SYNM: variants seen among roughly 807,000 people sequenced by gnomAD.
The protein encoded by SYNM is desmuslin.
A neutral mutation model predicts 104.0 loss-of-function variants in SYNM; 95 were observed. The observed-to-expected ratio is 0.91, with a 90% CI of 0.77 to 1.08. SYNM has a LOEUF of 1.08. SYNM is among the 50% of genes least tolerant of loss of function. SYNM has a pLI of 0.00. For missense variants in SYNM, 2,150 were observed against 2,052.2 expected, an observed-to-expected ratio of 1.05 and a Z score of -0.92; for synonymous variants, 918 against 869.0, an observed-to-expected ratio of 1.06 and a Z score of -0.99.
the SYNM span, chr15:99,140,835 C>CAGTGCACAGA: frequency 6.6e-6 from 1 of 152,172 alleles, no homozygotes; most frequent in Non-Finnish European, 1.5e-5. Context: ...AAGATTCTTG[C>CAGTGCACAGA]AGTGCACAGA....
chr15:99,113,825 G>A (rs1387676288), intron 2 of SYNM, 110 bp downstream of exon 2: 9 of 1,468,836 alleles, frequency 6.1e-6, no homozygotes, highest in Non-Finnish European at 7.3e-6. Context: ...GTGGCTTTGT[G>A]ACAAGCAGAG....
chr15:99,105,739 G>C lies in SYNM; in HGVS notation c.540G>C (p.Leu180=). ...GCCCCGCCGCGCCGCCGCCACGCCT[G>C]CGGGAGGTGCACGACAGCTACGCAC... ...ATGPAAPPPR[L]REVHDSYALL... The change falls in exon 1 of 4, where the codon CTG becomes CTC. Residue 180 remains leucine (L), a synonymous_variant. Coordinates refer to ENST00000336292, the MANE Select transcript of SYNM (RefSeq NM_145728.3). The C allele has an allele frequency of 2.0e-6, 3 of 1,512,976 alleles. No individual in the cohort carries two copies. Among genetic ancestry groups the C allele is most frequent in the Non-Finnish European group, 2.6e-6 (3 of 1,133,262 alleles). 93.7% of individuals were successfully genotyped at this position (1,512,976 alleles called of 1,614,324 possible).
chr15:99,130,843 A>G lies in SYNM; in HGVS notation c.2483A>G (p.Gln828Arg), dbSNP rs782249523. The G allele has an allele frequency of 9.3e-6, 15 of 1,614,026 alleles. No individual in the cohort carries two copies. Among genetic ancestry groups the G allele is most frequent in the Non-Finnish European group, 1.3e-5 (15 of 1,179,888 alleles). ...GAGGCAGGTGATTCAGAGGGCGAGC[A>G]GAGTTATTTTGTGTCCACTCCAGAT... Reference protein sequence around the residue: ...VTEAGDSEGEQSYFVSTPDEH... With the variant: ...VTEAGDSEGERSYFVSTPDEH... Residue 828 changes from glutamine to arginine, a missense_variant, in exon 4 of 4, where the codon CAG becomes CGG. Transcript: ENST00000336292.
Position 99,131,220 on chromosome 15 carries a change from G to C in SYNM, c.2860G>C (p.Gly954Arg). The change falls in exon 4 of 4, where the codon GGG becomes CGG. Residue 954 changes from glycine (G) to arginine (R), a missense_variant. Transcript: ENST00000336292. The surrounding 1 kb of genome is among the most constrained non-coding windows in gnomAD (Gnocchi z 4.3). ...EPRQQLVEVI[G>R]QLEETLPERM... ...CCGGCAGCAGCTGGTGGAGGTCATC[G>C]GGCAGCTGGAGGAAACCCTTCCCGA... 13 of 1,608,936 alleles carry C rather than the reference G, an allele frequency of 8.1e-6. No individual in the cohort carries two copies. The highest frequency in any genetic ancestry group is 1.0e-5 in the Non-Finnish European group (12 of 1,177,834).
At position 99,130,017 on chromosome 15, in the gene SYNM, G is replaced by A; in HGVS notation, c.1657G>A (p.Glu553Lys). The change falls in exon 4 of 4, where the codon GAA (glutamate) becomes AAA (lysine). Residue 553 changes from glutamate to lysine, a missense_variant. Glu to Lys is a moderately conservative substitution (Grantham distance 56, BLOSUM62 1). Transcript: ENST00000336292. Reference sequence around the variant, plus strand: ...GTTAGATAAGGAAGCGAGACAGAGAGAAAGCCAGCAGATGAAGGAGAAGGC... The same window carrying A: ...GTTAGATAAGGAAGCGAGACAGAGAAAAAGCCAGCAGATGAAGGAGAAGGC... The part of the protein sequence containing the change: ...TKLDKEARQR[E>K]SQQMKEKAKE... 1 of 1,613,634 alleles carries A rather than the reference G, an allele frequency of 6.2e-7. No homozygotes were observed. The highest frequency in any genetic ancestry group is 8.5e-7 in the Non-Finnish European group (1 of 1,179,768).
At chr15:99,109,338 A>G (rs2067279404) in intron 1 of SYNM, among the ~76,000 whole-genome samples, 1 of 152,192 alleles carries the variant, frequency 6.6e-6, no homozygotes, top group Admixed American at 6.5e-5. Context: ...ACTTGAAGAC[A>G]TTTGCGATAA....
intron 1 of SYNM, among the ~76,000 whole-genome samples, chr15:99,107,642 A>C (rs1264432244): frequency 6.6e-6 from 1 of 152,160 alleles, no homozygotes; most frequent in Non-Finnish European, 1.5e-5. Flanking sequence ...TTTCCCCACT[A>C]ATGAAACCTT....
chr15:99,130,691 G>A lies in SYNM; in HGVS notation c.2331G>A (p.Ser777=), dbSNP rs776015304. ...PFKVEEVEDV[S]PGPWGLVKEE... is the part of the protein sequence containing the mutation. ...AAGTGGAGGAGGTCGAAGATGTGTC[G>A]CCAGGCCCCTGGGGGTTGGTTAAGG... Residue 777 remains serine (S), a synonymous_variant, in exon 4 of 4, where the codon TCG becomes TCA. Coordinates refer to ENST00000336292, the MANE Select transcript of SYNM (RefSeq NM_145728.3). The A allele has an allele frequency of 9.3e-6, 15 of 1,613,736 alleles. No homozygotes were observed. In the African/African-American group the frequency reaches 1.2e-4, roughly 13 times the overall value.
chr15:99,125,061 G>A (rs968863311), intron 2 of SYNM, among the ~76,000 whole-genome samples: 21 of 152,242 alleles, frequency 1.4e-4, no homozygotes, highest in African/African-American at 4.8e-4. Context: ...TGGGGAAGAC[G>A]TATTTTTCCC....
At position 99,133,018 on chromosome 15, in the gene SYNM, T is replaced by C. The variant is rs373139614; in HGVS notation, c.4658T>C (p.Leu1553Pro). ...SDEKKVALLY[L>P]DNEEEENDGH... ...GAAAAGAAAGTTGCCCTCCTCTATC[T>C]AGACAATGAGGAGGAGGAGAATGAT... The change falls in exon 4 of 4, where the codon CTA becomes CCA. Residue 1553 changes from leucine to proline, a missense_variant. Transcript: ENST00000336292. 70 of 1,613,748 alleles carry C rather than the reference T, an allele frequency of 4.3e-5. No individual in the cohort carries two copies. In the African/African-American group the frequency reaches 8.5e-4, roughly 20 times the overall value.
chr15:99,128,790 C>CT (rs1308069958), intron 3 of SYNM: 3 of 154,682 alleles, frequency 1.9e-5, no homozygotes, highest in African/African-American at 7.2e-5. Flanking sequence ...GCACTGGCTC[C>CT]TTTTCAGATA....
At chr15:99,113,502 T>C in intron 1 of SYNM, 89 bp from the exon 2 acceptor site, 1 of 1,547,882 alleles carries the variant, frequency 6.5e-7, no homozygotes, top group South Asian at 1.2e-5. Flanking sequence ...CTGGTCTGTT[T>C]TTCAATTCGA....
At chr15:99,139,505 G>A (rs782557131), downstream of SYNM, 56 of 1,562,854 alleles carry the variant, frequency 3.6e-5, no homozygotes, top group South Asian at 6.5e-4. Flanking sequence ...CTTAGGCCCT[G>A]CTGTGATGGA....
At chr15:99,115,718 C>T (rs1036828546) in intron 2 of SYNM, among the ~76,000 whole-genome samples, 14 of 152,094 alleles carry the variant, frequency 9.2e-5, no homozygotes, top group African/African-American at 2.4e-4. Flanking sequence ...CACCTCGCCG[C>T]CACAAAGTGC....
intron 2 of SYNM, among the ~76,000 whole-genome samples, chr15:99,124,532 C>G (rs2067430338): frequency 1.3e-5 from 2 of 152,228 alleles, no homozygotes; most frequent in Admixed American, 1.3e-4. Context: ...GAGAGCTCTG[C>G]AGGGCCATTT....
intron 3 of SYNM, among the ~76,000 whole-genome samples, chr15:99,127,825 C>T (rs2067461145): frequency 6.6e-6 from 1 of 152,092 alleles, no homozygotes; most frequent in African/African-American, 2.4e-5. Context: ...CCTGTGGATA[C>T]CTAAGTTTGG....
Position 99,133,261 on chromosome 15 carries a change from A to G in SYNM, c.*203A>G, listed in dbSNP as rs2067532751. 12 of 1,114,386 alleles carry G rather than the reference A, an allele frequency of 1.1e-5. No homozygotes were observed. The highest frequency in any genetic ancestry group is 1.5e-5 in the Non-Finnish European group (12 of 824,190). 69.0% of individuals were successfully genotyped at this position (1,114,386 alleles called of 1,614,324 possible). A position where few individuals can be genotyped will look rare whatever the true frequency, so the allele number is the denominator to read the frequency against. On this transcript the variant is annotated 3_prime_UTR_variant, in exon 4 of 4. Transcript: ENST00000336292. ...AATTCATGCCTTAAAAGGCACTGCA[A>G]TTTTATTTTTGAGTTGGGACTTTTA...
At position 99,105,099 on chromosome 15, in the gene SYNM, C is replaced by CAGCGGCGAGGCCGG. The variant is rs1555482279; in HGVS notation, c.-96_-83dup. ...CGTCCCAGTCTGCGGGCCTCCGGGG[C>CAGCGGCGAGGCCGG]AGCGGCGAGGCCGGAGCGTCGCGGC... On this transcript the variant is annotated 5_prime_UTR_variant, in exon 1 of 4. Transcript: ENST00000336292. The CAGCGGCGAGGCCGG allele has an allele frequency of 7.4e-7, 1 of 1,355,488 alleles. No individual in the cohort carries two copies. Among genetic ancestry groups the CAGCGGCGAGGCCGG allele is most frequent in the Non-Finnish European group, 9.9e-7 (1 of 1,010,054 alleles). The allele number at this position is 1,355,488 out of a possible 1,614,324, so 84.0% of individuals were successfully genotyped here.
intron 2 of SYNM, among the ~76,000 whole-genome samples, chr15:99,121,389 C>T (rs116289520): frequency 0.018 from 2,728 of 152,074 alleles, 80 homozygotes; most frequent in African/African-American, 0.062. Flanking sequence ...TTCCTGCAGT[C>T]GCTAGCGCCC....
Sources: allele counts gnomAD v4.1 joint callset (sites outside exome capture counted in the v4.1 genomes callset), GRCh38; gene constraint gnomAD v4.1.1; non-coding constraint Gnocchi (gnomAD v3.1); transcripts MANE v1.5; gene names NCBI Gene and HGNC (gene_info 2026-07-23, HGNC 2026-07-21).